Variants in FSIP2 observed in about 807,000 individuals in gnomAD.
FSIP2 encodes the protein fibrous sheath interacting protein 2.
FSIP2 carries 367 observed loss-of-function variants against 510.5 expected under a neutral mutation model. That is an observed-to-expected ratio of 0.72 (90% confidence interval 0.66 to 0.78). FSIP2 has a LOEUF of 0.78. Ranked by LOEUF, FSIP2 falls within the 30% of genes least tolerant of loss-of-function variation. FSIP2 has a pLI of 0.00. For synonymous variants in FSIP2, 2,601 were observed against 2,732.2 expected, an observed-to-expected ratio of 0.95 and a Z score of 1.50; for missense variants, 7,594 against 7,901.7, an observed-to-expected ratio of 0.96 and a Z score of 1.48.
intron 20 of FSIP2, among the ~76,000 whole-genome samples, chr2:185,827,660 C>A (rs1158512753): frequency 6.6e-6 from 1 of 151,896 alleles, no homozygotes. Context: ...CAAATATCCT[C>A]TGAGCATTGC....
chr2:185,808,603 T>C lies in FSIP2; in HGVS notation c.19297T>C (p.Ser6433Pro). The C allele has an allele frequency of 1.2e-6, 2 of 1,605,300 alleles. No individual in the cohort carries two copies. Among genetic ancestry groups the C allele is most frequent in the Non-Finnish European group, 1.7e-6 (2 of 1,176,262 alleles). The change falls in exon 17 of 23, where the codon TCA becomes CCA. Residue 6433 changes from serine (S) to proline (P), a missense_variant. Ser to Pro is a moderately conservative substitution (Grantham distance 74). Coordinates refer to ENST00000424728, the MANE Select transcript of FSIP2 (RefSeq NM_173651.4). Reference protein sequence around the residue: ...DSVYSNILQQSGTNKEFYYDI... With the variant: ...DSVYSNILQQPGTNKEFYYDI... ...CGTTTATAGTAACATACTGCAACAA[T>C]CAGGAACCAACAAAGAATTTTATTA...
At chr2:185,780,664 T>G (rs548969293) in intron 13 of FSIP2, among the ~76,000 whole-genome samples, 1 of 152,048 alleles carries the variant, frequency 6.6e-6, no homozygotes, top group African/African-American at 2.4e-5. Flanking sequence ...TTTAATATAT[T>G]GTTTTTGTTT....
In FSIP2 at chr2:185,792,513, T is replaced by C; in HGVS notation, c.5377T>C (p.Leu1793=). ...NILNEIFQST[L]INQLNVLSLS... ...TTTGAATGAAATTTTTCAAAGTACT[T>C]TAATCAATCAATTAAATGTCCTTTC... is the stretch of plus-strand genomic sequence containing the variant. Residue 1793 remains leucine, a synonymous_variant, in exon 16 of 23, where the codon TTA becomes CTA. Coordinates refer to ENST00000424728, the MANE Select transcript of FSIP2 (RefSeq NM_173651.4). 6.5e-7 allele frequency: 1 copy of C among 1,530,198 alleles called. No homozygotes were observed. Among genetic ancestry groups the C allele is most frequent in the Non-Finnish European group, 8.8e-7 (1 of 1,142,356 alleles). The allele number at this position is 1,530,198 out of a possible 1,614,324, so 94.8% of individuals were successfully genotyped here.
In FSIP2 at chr2:185,805,817, T is replaced by G; in HGVS notation, c.16511T>G (p.Ile5504Ser). The change falls in exon 17 of 23, where the codon ATT becomes AGT. Residue 5504 changes from isoleucine to serine, a missense_variant. By Grantham distance (142) the Ile-to-Ser change is moderately radical (BLOSUM62 -2). Coordinates refer to ENST00000424728, the MANE Select transcript of FSIP2 (RefSeq NM_173651.4). The part of the protein sequence containing the change: ...SINAIMKSGM[I>S]NLTSGLATGV... ...AATGCAATTATGAAAAGCGGCATGATTAACCTAACATCAGGGTTGGCTACA... is the reference window on the plus strand; with the variant it reads ...AATGCAATTATGAAAAGCGGCATGAGTAACCTAACATCAGGGTTGGCTACA... 6.2e-7 allele frequency: 1 copy of G among 1,603,816 alleles called. No homozygotes were observed. Among genetic ancestry groups the G allele is most frequent in the South Asian group, 1.1e-5 (1 of 88,672 alleles).
chr2:185,781,209 T>TAA (rs1692842286), intron 13 of FSIP2, among the ~76,000 whole-genome samples: 1 of 152,206 alleles, frequency 6.6e-6, no homozygotes, highest in South Asian at 2.1e-4. Flanking sequence ...CACTGTATTT[T>TAA]AAGTACCTAT....
intron 2 of FSIP2, among the ~76,000 whole-genome samples, chr2:185,740,120 C>T (rs1410488005): frequency 2.0e-5 from 3 of 152,134 alleles, no homozygotes; most frequent in African/African-American, 4.8e-5. Context: ...CCCATAAATA[C>T]CATGCTAATA....
chr2:185,762,083 ATTTT>A, intron 11 of FSIP2, 66 bp downstream of exon 11: 2 of 756,078 alleles, frequency 2.6e-6, no homozygotes. Context: ...TTTATTATAT[ATTTT>A]AAGTTGTTTT....
intron 22 of FSIP2, among the ~76,000 whole-genome samples, chr2:185,832,623 A>G (rs945142109): frequency 4.0e-5 from 6 of 151,752 alleles, no homozygotes; most frequent in Non-Finnish European, 5.9e-5. Flanking sequence ...TGAGATGATT[A>G]TATTCTTTAA....
At position 185,813,987 on chromosome 2, in the gene FSIP2, C is replaced by A; in HGVS notation, c.20270C>A (p.Pro6757Gln). The A allele has an allele frequency of 6.2e-7, 1 of 1,613,344 alleles. No individual in the cohort carries two copies. Among genetic ancestry groups the A allele is most frequent in the Non-Finnish European group, 8.5e-7 (1 of 1,179,618 alleles). The part of the protein sequence containing the change: ...RAVAELDMAT[P>Q]KTMPETASSS... Reference sequence around the variant, plus strand: ...GTTGCTGAGCTTGACATGGCCACACCAAAGACGATGCCTGAAACAGCCTCT... The same window carrying A: ...GTTGCTGAGCTTGACATGGCCACACAAAAGACGATGCCTGAAACAGCCTCT... Residue 6757 changes from proline (P) to glutamine (Q), a missense_variant, in exon 18 of 23, where the codon CCA becomes CAA. Transcript: ENST00000424728.
At chr2:185,823,807 A>C (rs1267533272) in intron 19 of FSIP2, among the ~76,000 whole-genome samples, 1 of 151,832 alleles carries the variant, frequency 6.6e-6, no homozygotes, top group East Asian at 1.9e-4. Context: ...CACCATAGAC[A>C]AATGATGGAA....
chr2:185,805,743 C>T lies in FSIP2; in HGVS notation c.16437C>T (p.Asp5479=). The T allele has an allele frequency of 6.2e-7, 1 of 1,602,356 alleles. No individual in the cohort carries two copies. Among genetic ancestry groups the T allele is most frequent in the Non-Finnish European group, 8.5e-7 (1 of 1,176,318 alleles). The change falls in exon 17 of 23, where the codon GAC becomes GAT. Residue 5479 remains aspartate, a synonymous_variant. Transcript: ENST00000424728. ...GAAAGAAAAGTTTTAAAACCAAGGA[C>T]ACATCAGTGAAAAAAGGTGACATCC... is the stretch of plus-strand genomic sequence containing the variant. ...MNRKKSFKTK[D]TSVKKGDIQN... is the part of the protein sequence containing the mutation.
intron 2 of FSIP2, among the ~76,000 whole-genome samples, chr2:185,741,786 G>A (rs1691928904): frequency 6.6e-6 from 1 of 152,158 alleles, no homozygotes; most frequent in Non-Finnish European, 1.5e-5. Flanking sequence ...GCTTTTAAAT[G>A]CAAAGGAAGA....
intron 13 of FSIP2, among the ~76,000 whole-genome samples, chr2:185,768,625 T>C (rs891949789): frequency 3.9e-5 from 6 of 152,186 alleles, no homozygotes; most frequent in African/African-American, 1.2e-4. Flanking sequence ...TTATTTTCTT[T>C]ATTAAGAAAA....
chr2:185,798,533 A>G (rs964874538), intron 16 of FSIP2, among the ~76,000 whole-genome samples: 1 of 151,856 alleles, frequency 6.6e-6, no homozygotes, highest in Non-Finnish European at 1.5e-5. Context: ...CAGTAGTTTC[A>G]GTTACCAATA....
In FSIP2 at chr2:185,789,530, A is replaced by T; in HGVS notation, c.2394A>T (p.Thr798=). The part of the protein sequence containing the change: ...PSLAASDELL[T]SSNGKPLKNS... ...TAGCAGCCAGTGATGAACTTCTCAC[A>T]TCATCTAATGGAAAACCTTTGAAAA... Residue 798 remains threonine, a synonymous_variant, in exon 16 of 23, where the codon ACA becomes ACT. Coordinates refer to ENST00000424728, the MANE Select transcript of FSIP2 (RefSeq NM_173651.4). 1.3e-6 allele frequency: 2 copies of T among 1,534,708 alleles called. No individual in the cohort carries two copies. Among genetic ancestry groups the T allele is most frequent in the Non-Finnish European group, 1.7e-6 (2 of 1,145,906 alleles).
At chr2:185,785,082 G>A (rs1261795157) in intron 14 of FSIP2, among the ~76,000 whole-genome samples, 2 of 152,042 alleles carry the variant, frequency 1.3e-5, no homozygotes, top group African/African-American at 4.8e-5. Flanking sequence ...AGAACTCCTT[G>A]AGTTAGTTAT....
At chr2:185,778,690 G>A (rs1404756712) in intron 13 of FSIP2, among the ~76,000 whole-genome samples, 1 of 151,876 alleles carries the variant, frequency 6.6e-6, no homozygotes, top group African/African-American at 2.4e-5. Flanking sequence ...TAGTTTCTGT[G>A]TGGTTGAAAA....
chr2:185,803,135 G>A lies in FSIP2; in HGVS notation c.13829G>A (p.Arg4610Lys). The change falls in exon 17 of 23, where the codon AGG becomes AAG. Residue 4610 changes from arginine to lysine, a missense_variant. By Grantham distance (26) the Arg-to-Lys change is conservative. Transcript: ENST00000424728. The stretch of plus-strand genomic sequence containing the variant: ...GACACATATTTTGATGATGAGAGAA[G>A]GCAGTTATTTTATACCAGTGTTTAC... ...SSDTYFDDER[R>K]QLFYTSVYSS... is the part of the protein sequence containing the mutation. 6.6e-7 allele frequency: 1 copy of A among 1,523,356 alleles called. No individual in the cohort carries two copies. Among genetic ancestry groups the A allele is most frequent in the Non-Finnish European group, 8.8e-7 (1 of 1,142,218 alleles). The allele number at this position is 1,523,356 out of a possible 1,614,324, so 94.4% of individuals were successfully genotyped here. A position where few individuals can be genotyped will look rare whatever the true frequency, so the allele number is the denominator to read the frequency against.
Position 185,805,290 on chromosome 2 carries a change from T to G in FSIP2, c.15984T>G (p.Ile5328Met). ...TAAGGGAATTTAAGAAAAGTGATATTAAAGTTTTACCAAATGCTGAAAAAA... is the reference window on the plus strand; with the variant it reads ...TAAGGGAATTTAAGAAAAGTGATATGAAAGTTTTACCAAATGCTGAAAAAA... ...SLIREFKKSD[I>M]KVLPNAEKMF... Residue 5328 changes from isoleucine (I) to methionine (M), a missense_variant, in exon 17 of 23, where the codon ATT (isoleucine) becomes ATG (methionine). Coordinates refer to ENST00000424728, the MANE Select transcript of FSIP2 (RefSeq NM_173651.4). 6.3e-7 allele frequency: 1 copy of G among 1,595,364 alleles called. No homozygotes were observed. Among genetic ancestry groups the G allele is most frequent in the Non-Finnish European group, 8.5e-7 (1 of 1,173,672 alleles).
Sources: gnomAD v4.1 joint callset for allele counts (sites outside exome capture counted in the v4.1 genomes callset) on GRCh38, gnomAD v4.1.1 for gene constraint, MANE v1.5 for transcripts, NCBI Gene and HGNC (gene_info 2026-07-23, HGNC 2026-07-21) for gene names.